The following SH2B1 variants were observed in gnomAD, a reference collection of about 807,000 sequenced individuals.
SH2B1 encodes the protein SH2B adaptor protein 1, also known as SH2B adapter protein 1.
In SH2B1, 15 loss-of-function variants were observed where a neutral mutation model predicts 62.6. The observed-to-expected ratio is 0.24, with a 90% CI of 0.16 to 0.37. The LOEUF is 0.37. SH2B1 is among the 10% of genes least tolerant of loss of function. The pLI is 1.00. For synonymous variants in SH2B1, 443 were observed against 438.0 expected (o/e 1.01, Z -0.14); for missense variants, 925 against 1,015.6 (o/e 0.91, Z 1.21).
chr16:28,860,399 G>T (rs568269456), upstream of SH2B1, among the ~76,000 whole-genome samples: 1 of 151,826 alleles, frequency 6.6e-6, no homozygotes, highest in African/African-American at 2.4e-5. Context: ...TTACAGGTGC[G>T]TGCCACCACG....
At chr16:28,852,189 T>TA (rs1491317813) in intron 1 of SH2B1, among the ~76,000 whole-genome samples, 3 of 133,988 alleles carry the variant, frequency 2.2e-5, no homozygotes, top group Non-Finnish European at 3.1e-5. Flanking sequence ...AATATATATA[T>TA]TTTTATTTAT....
In SH2B1 at chr16:28,852,202, A is replaced by G. The variant is rs1414018106; in HGVS notation, c.-301+5375A>G. 4.2e-5 allele frequency among the ~76,000 whole-genome samples: 4 copies of G among 95,634 alleles called. 1 individual carries two copies. The highest frequency in any genetic ancestry group is 8.1e-5 in the Non-Finnish European group (4 of 49,198). 62.7% of individuals were successfully genotyped at this position (95,634 alleles called of 152,430 possible). On this transcript the variant is annotated intron_variant, in intron 1 of 10. Coordinates refer to the SH2B1 transcript ENST00000322610. ...AAAATATATATATTTTTATTTATAT[A>G]TTTACATATATATATTTACATATAT...
Position 28,864,622 on chromosome 16 carries a change from T to C in SH2B1, c.-1473T>C, listed in dbSNP as rs1436147627. 1.0e-6 allele frequency: 1 copy of C among 985,204 alleles called. No homozygotes were observed. Among genetic ancestry groups the C allele is most frequent in the African/African-American group, 1.8e-5 (1 of 57,132 alleles). 61.0% of individuals were successfully genotyped at this position (985,204 alleles called of 1,614,324 possible). On this transcript the variant is annotated 5_prime_UTR_variant, in exon 1 of 8. Transcript: ENST00000684370. Reference sequence around the variant, plus strand: ...ACAGGAGTCTGAGGTCGCTGAGGGTTTGGGGAGGCTTTCCTGAGCTGCTCT... The same window carrying C: ...ACAGGAGTCTGAGGTCGCTGAGGGTCTGGGGAGGCTTTCCTGAGCTGCTCT...
intron 1 of SH2B1, among the ~76,000 whole-genome samples, chr16:28,847,816 CTTTTTTTT>C (rs34950443): frequency 4.7e-5 from 4 of 84,248 alleles, no homozygotes; most frequent in East Asian, 3.9e-4. Flanking sequence ...AAGACCCCAT[CTTTTTTTT>C]TTTTTTTTTT....
upstream of SH2B1, among the ~76,000 whole-genome samples, chr16:28,859,737 A>G (rs543726420): frequency 1.3e-5 from 2 of 152,148 alleles, no homozygotes; most frequent in Non-Finnish European, 2.9e-5. Flanking sequence ...AGAGAAAAAG[A>G]AAGAAAGTCC....
At chr16:28,863,598 G>C, upstream of SH2B1, 1 of 1,370,858 alleles carries the variant, frequency 7.3e-7, no homozygotes, top group Non-Finnish European at 9.9e-7. Context: ...CCTTTGTCCC[G>C]AATTTCCTCC....
In SH2B1 at chr16:28,865,945, G is replaced by A. The variant is rs757174650; in HGVS notation, c.-150G>A. 54 of 1,423,140 alleles carry A rather than the reference G, an allele frequency of 3.8e-5. No individual in the cohort carries two copies. Among genetic ancestry groups the A allele is most frequent in the Non-Finnish European group, 4.8e-5 (53 of 1,093,828 alleles). The allele number at this position is 1,423,140 out of a possible 1,614,324, so 88.2% of individuals were successfully genotyped here. ...TAGGGTCGGACGTCTCTGGCTGGGG[G>A]TGGGATGCAGCCTCCGGTGCGCCCT... is the stretch of plus-strand genomic sequence containing the variant. On this transcript the variant is annotated 5_prime_UTR_variant, in exon 1 of 8. In the 5' UTR this introduces an upstream ATG that the reference lacks. Transcript: ENST00000684370.
chr16:28,849,877 C>A (rs1244831261), intron 1 of SH2B1, among the ~76,000 whole-genome samples: 1 of 152,108 alleles, frequency 6.6e-6, no homozygotes, highest in Non-Finnish European at 1.5e-5. Context: ...GAGCCGATAT[C>A]ACGCCATTGT....
chr16:28,856,508 G>T (rs977535557), intron 1 of SH2B1, among the ~76,000 whole-genome samples: 1 of 152,088 alleles, frequency 6.6e-6, no homozygotes, highest in Non-Finnish European at 1.5e-5. Flanking sequence ...GGGGGTGGAG[G>T]TTAAATCATA....
intron 3 of SH2B1, 39 bp from the exon 4 acceptor site, chr16:28,869,169 G>A: frequency 1.9e-6 from 3 of 1,613,858 alleles, no homozygotes; most frequent in Non-Finnish European, 2.5e-6. Flanking sequence ...CTCTCACCTG[G>A]TGACTTTCCT....
Position 28,869,367 on chromosome 16 carries a change from T to C in SH2B1, c.1293T>C (p.Asn431=). The C allele has an allele frequency of 6.2e-7, 1 of 1,613,708 alleles. No homozygotes were observed. Among genetic ancestry groups the C allele is most frequent in the Non-Finnish European group, 8.5e-7 (1 of 1,179,864 alleles). ...TGCTGCTTGGACCCAGCGAGAGCAATGACCGCCTGTCGCAGGGTAAGGGTG... is the reference window on the plus strand; with the variant it reads ...TGCTGCTTGGACCCAGCGAGAGCAACGACCGCCTGTCGCAGGGTAAGGGTG... ...QDLLLGPSES[N]DRLSQGAYGG... The change falls in exon 4 of 8, where the codon AAT becomes AAC. Residue 431 remains asparagine (N), a synonymous_variant. Coordinates refer to ENST00000684370, the MANE Select transcript of SH2B1 (RefSeq NM_001387430.1).
intron 1 of SH2B1, among the ~76,000 whole-genome samples, chr16:28,852,349 TA>T (rs1198351851): frequency 3.6e-5 from 3 of 83,080 alleles, no homozygotes; most frequent in African/African-American, 1.7e-4. Context: ...TTTACATATA[TA>T]TTTATATATA....
rs1335801604 is a variant in SH2B1 at position 28,863,938 on chromosome 16, A to C, written c.-2157A>C. ...CCGCCGGAGCTAACCTCGGGGACCG[A>C]GATGCAGGTGGGACCGGAACCGGAA... On this transcript the variant is annotated 5_prime_UTR_variant, in exon 1 of 8. Transcript: ENST00000684370. The C allele has an allele frequency of 4.1e-6, 6 of 1,473,232 alleles. No homozygotes were observed. The highest frequency in any genetic ancestry group is 5.4e-6 in the Non-Finnish European group (6 of 1,119,098). 91.3% of individuals were successfully genotyped at this position (1,473,232 alleles called of 1,614,324 possible). A position where few individuals can be genotyped will look rare whatever the true frequency, so the allele number is the denominator to read the frequency against.
Position 28,869,281 on chromosome 16 carries a change from A to G in SH2B1, c.1207A>G (p.Asn403Asp). The G allele has an allele frequency of 6.2e-7, 1 of 1,614,018 alleles. No individual in the cohort carries two copies. The highest frequency in any genetic ancestry group is 1.1e-5 in the South Asian group (1 of 91,060). Residue 403 changes from asparagine to aspartate, a missense_variant, in exon 4 of 8, where the codon AAC becomes GAC. By Grantham distance (23) the Asn-to-Asp change is conservative. Transcript: ENST00000684370. ...TGGGACCTCATTCCTTACAAGGGAG[A>G]ACACAGACAGCCTGGAGCTGTCCTG... The part of the protein sequence containing the change: ...APGTSFLTRE[N>D]TDSLELSCLN...
chr16:28,863,433 G>A (rs1962518494), upstream of SH2B1: 1 of 452,426 alleles, frequency 2.2e-6, no homozygotes, highest in Non-Finnish European at 4.0e-6. Context: ...TTGTCCGCGT[G>A]CCCCTCCACA....
rs1054308859 is a variant in SH2B1, at chr16:28,865,679, T to C, written c.-416T>C. The C allele has an allele frequency of 1.0e-6, 1 of 999,888 alleles. No homozygotes were observed. Among genetic ancestry groups the C allele is most frequent in the Non-Finnish European group, 1.2e-6 (1 of 840,358 alleles). 61.9% of individuals were successfully genotyped at this position (999,888 alleles called of 1,614,324 possible). ...TGGCTCATGGGAAGTGTGACATGAA[T>C]ATTGGAGGATCCGATGTAGAGGGGG... On this transcript the variant is annotated 5_prime_UTR_variant, in exon 1 of 8. Coordinates refer to ENST00000684370, the MANE Select transcript of SH2B1 (RefSeq NM_001387430.1).
At chr16:28,862,037 C>A, upstream of SH2B1, 1 of 152,230 alleles carries the variant, frequency 6.6e-6, no homozygotes, top group East Asian at 1.9e-4. Context: ...CTTCTGGCCC[C>A]TGTGTTCACC....
At chr16:28,859,742 A>C (rs910730707), upstream of SH2B1, among the ~76,000 whole-genome samples, 3 of 152,110 alleles carry the variant, frequency 2.0e-5, 1 homozygote. Context: ...AAAAGAAAGA[A>C]AGTCCAGGGA....
rs1962638223 is a variant in SH2B1 at position 28,865,539 on chromosome 16, A to G, written c.-556A>G. 7 of 985,516 alleles carry G rather than the reference A, an allele frequency of 7.1e-6. No homozygotes were observed. The highest frequency in any genetic ancestry group is 7.2e-6 in the Non-Finnish European group (6 of 829,984). The allele number at this position is 985,516 out of a possible 1,614,324, so 61.0% of individuals were successfully genotyped here. On this transcript the variant is annotated 5_prime_UTR_variant, in exon 1 of 8. Transcript: ENST00000684370. ...TGGGGACAGGGACTATGAAGTGGGG[A>G]AAACAGTAGACTTGGAGTTCTGAAA... is the stretch of plus-strand genomic sequence containing the variant.
Sources: gnomAD v4.1 joint callset for allele counts (sites outside exome capture counted in the v4.1 genomes callset) on GRCh38, gnomAD v4.1.1 for gene constraint, MANE v1.5 for transcripts, NCBI Gene and HGNC (gene_info 2026-07-23, HGNC 2026-07-21) for gene names.